The following DTWD2 variants were observed in gnomAD, a reference collection of about 807,000 sequenced individuals.
DTWD2 encodes the protein DTW motif tRNA-uridine aminocarboxypropyltransferase 2.
A neutral mutation model predicts 31.8 loss-of-function variants in DTWD2; 39 were observed. The ratio of observed to expected loss-of-function variants is 1.22; its 90% CI spans 0.95 to 1.60. DTWD2 has a LOEUF of 1.60. Ranked by LOEUF, DTWD2 falls within the 40% of genes most tolerant of loss-of-function variation. DTWD2 has a pLI of 0.00. For missense variants in DTWD2, 515 were observed against 381.5 expected (o/e 1.35, Z -2.92); for synonymous variants, 180 against 142.8 (o/e 1.26, Z -1.86).
chr5:118,967,454 T>TGATTCTAGGGCTGGGGCAGG (rs1754878304), intron 1 of DTWD2, among the ~76,000 whole-genome samples: 2 of 152,144 alleles, frequency 1.3e-5, no homozygotes, highest in Admixed American at 6.5e-5. Context: ...AAAAAGTGGT[T>TGATTCTAGGGCTGGGGCAGG]GATTCTAGGG....
At chr5:118,843,304 G>A (rs1751766129) in intron 5 of DTWD2, among the ~76,000 whole-genome samples, 1 of 148,794 alleles carries the variant, frequency 6.7e-6, no homozygotes, top group African/African-American at 2.6e-5. Context: ...GGAAAGGAAG[G>A]GAAAGGGAAG....
chr5:118,857,230 G>T (rs1752158183), intron 4 of DTWD2, among the ~76,000 whole-genome samples: 1 of 152,000 alleles, frequency 6.6e-6, no homozygotes, highest in South Asian at 2.1e-4. Context: ...CATGTGTGTG[G>T]GGGTGTGTAT....
At chr5:118,882,102 A>G (rs1412907892) in intron 4 of DTWD2, among the ~76,000 whole-genome samples, 1 of 152,244 alleles carries the variant, frequency 6.6e-6, no homozygotes, top group East Asian at 1.9e-4. Flanking sequence ...TCCAAGATAC[A>G]ATGGGAGTAC....
intron 4 of DTWD2, among the ~76,000 whole-genome samples, chr5:118,922,606 T>A (rs1753727720): frequency 6.6e-6 from 1 of 152,202 alleles, no homozygotes; most frequent in South Asian, 2.1e-4. Flanking sequence ...CATTTTTACT[T>A]TGTAGACAAG....
At chr5:118,871,187 CT>C (rs1046030961) in intron 4 of DTWD2, among the ~76,000 whole-genome samples, 3 of 152,142 alleles carry the variant, frequency 2.0e-5, no homozygotes, top group African/African-American at 2.4e-5. Context: ...TCATTTGCAT[CT>C]TTAGGTTCCA....
At chr5:118,915,352 C>G (rs1268431491) in intron 4 of DTWD2, among the ~76,000 whole-genome samples, 1 of 151,740 alleles carries the variant, frequency 6.6e-6, no homozygotes, top group Non-Finnish European at 1.5e-5. Context: ...CCAAAATAAC[C>G]CATATGTAAG....
intron 4 of DTWD2, among the ~76,000 whole-genome samples, chr5:118,864,178 C>T (rs548935961): frequency 6.6e-4 from 75 of 113,270 alleles, no homozygotes; most frequent in Non-Finnish European, 8.5e-4. Flanking sequence ...GGCACATATA[C>T]ACCATGGAAT....
At chr5:118,976,524 C>A (rs190233520) in intron 1 of DTWD2, among the ~76,000 whole-genome samples, 198 of 152,302 alleles carry the variant, frequency 1.3e-3, no homozygotes, top group Non-Finnish European at 2.0e-3. Flanking sequence ...AATGATCCCA[C>A]AGAAATACAA....
chr5:118,841,385 T>C (rs1454920918), intron 5 of DTWD2, among the ~76,000 whole-genome samples: 2 of 152,186 alleles, frequency 1.3e-5, no homozygotes, highest in Non-Finnish European at 2.9e-5. Flanking sequence ...CACAAAAAAT[T>C]GTTGCCATTA....
At chr5:118,877,676 C>T (rs1457923421) in intron 4 of DTWD2, among the ~76,000 whole-genome samples, 4 of 152,088 alleles carry the variant, frequency 2.6e-5, no homozygotes, top group East Asian at 1.9e-4. Context: ...CAGTATTTGA[C>T]GTCCAGGCCA....
At chr5:118,887,497 C>A (rs146565505) in intron 4 of DTWD2, among the ~76,000 whole-genome samples, 164 of 152,256 alleles carry the variant, frequency 1.1e-3, no homozygotes, top group Middle Eastern at 3.4e-3. Context: ...TGGAGTACAC[C>A]CAACCACATG....
chr5:118,961,608 T>C (rs1449244477), intron 1 of DTWD2, among the ~76,000 whole-genome samples: 2 of 152,204 alleles, frequency 1.3e-5, no homozygotes, highest in Non-Finnish European at 2.9e-5. Context: ...AATCCTCTGC[T>C]CCTTATTCAC....
chr5:118,954,088 T>C (rs1057440264), intron 1 of DTWD2, among the ~76,000 whole-genome samples: 3 of 152,086 alleles, frequency 2.0e-5, no homozygotes, highest in East Asian at 1.9e-4. Flanking sequence ...CTAGGAAACA[T>C]AGCAAGACCT....
chr5:118,974,738 C>T (rs1349505519), intron 1 of DTWD2: 3 of 460,846 alleles, frequency 6.5e-6, no homozygotes, highest in African/African-American at 2.0e-5. Context: ...TTTTTTTGGC[C>T]TGTTTGATGT....
chr5:118,852,324 T>G (rs936680658), intron 4 of DTWD2, among the ~76,000 whole-genome samples: 2 of 152,196 alleles, frequency 1.3e-5, no homozygotes, highest in Non-Finnish European at 2.9e-5. Context: ...CCTGACGTGA[T>G]GTACATCCTC....
rs559009940 is a variant in DTWD2 at position 118,958,382 on chromosome 5, C to T, written c.219-13733G>A. On this transcript the variant is annotated intron_variant, in intron 1 of 5. Coordinates refer to ENST00000510708, the MANE Select transcript of DTWD2 (RefSeq NM_173666.4). ...CTGAGGCAGGAGAATGGCGTGAATCCGGGAGGTGGAGTTTGCAGTGAGCCG... is the reference window on the plus strand; with the variant it reads ...CTGAGGCAGGAGAATGGCGTGAATCTGGGAGGTGGAGTTTGCAGTGAGCCG... Among the ~76,000 whole-genome samples the T allele has an allele frequency of 1.8e-4, 28 of 151,952 alleles. No homozygotes were observed. The South Asian group carries it at 2.9e-3, about 16-fold the overall frequency.
At chr5:118,879,500 C>A (rs1418945000) in intron 4 of DTWD2, among the ~76,000 whole-genome samples, 2 of 150,454 alleles carry the variant, frequency 1.3e-5, no homozygotes, top group Non-Finnish European at 2.9e-5. Context: ...GTCCCAGCTA[C>A]TTGGTAGGCT....
rs193030211 is a variant in DTWD2 at position 118,851,163 on chromosome 5, G to A, written c.598-2945C>T. On this transcript the variant is annotated intron_variant, in intron 4 of 5. Transcript: ENST00000510708. ...GAACCTGAGAGGCAGAGATTACAGT[G>A]AGCCAAGATCATGCCACTGCACTCC... Among the ~76,000 whole-genome samples, 616 of 144,850 alleles carry A rather than the reference G, an allele frequency of 4.3e-3. 8 individuals are homozygous for A. Among genetic ancestry groups the A allele is most frequent in the East Asian group, 0.031 (147 of 4,788 alleles).
chr5:118,936,637 T>C (rs1272342063), intron 3 of DTWD2, among the ~76,000 whole-genome samples: 2 of 152,052 alleles, frequency 1.3e-5, no homozygotes, highest in Non-Finnish European at 2.9e-5. Context: ...AGACCCCATC[T>C]CAATTTATTT....
Sources: allele counts gnomAD v4.1 joint callset (sites outside exome capture counted in the v4.1 genomes callset), GRCh38; gene constraint gnomAD v4.1.1; transcripts MANE v1.5; gene names NCBI Gene and HGNC (gene_info 2026-07-23, HGNC 2026-07-21).